The following RNF24 variants were observed in gnomAD, a reference collection of about 807,000 sequenced individuals.
The protein encoded by RNF24 is ring finger protein 24.
In RNF24, 14 loss-of-function variants were observed where a neutral mutation model predicts 20.0. The observed-to-expected ratio is 0.70, with a 90% CI of 0.46 to 1.10. RNF24 has a LOEUF of 1.10. Ranked by LOEUF, RNF24 falls within the 50% of genes least tolerant of loss-of-function variation. RNF24 has a pLI of 0.00. For missense variants in RNF24, 124 were observed against 177.6 expected, an observed-to-expected ratio of 0.70 and a Z score of 1.71; for synonymous variants, 45 against 61.1, an observed-to-expected ratio of 0.74 and a Z score of 1.23.
chr20:3,974,491 C>G (rs536484609), intron 1 of RNF24: 75 of 1,221,910 alleles, frequency 6.1e-5, no homozygotes, highest in Non-Finnish European at 7.8e-5. Flanking sequence ...ACATCAACAT[C>G]TACAACAACA....
At chr20:3,960,502 T>A (rs796456248) in intron 2 of RNF24, among the ~76,000 whole-genome samples, 9 of 152,164 alleles carry the variant, frequency 5.9e-5, no homozygotes, top group African/African-American at 2.2e-4. Flanking sequence ...ACCCCATCTC[T>A]ACTAAAAATA....
rs2090797111 is a variant in RNF24 at position 3,929,947 on chromosome 20, C to G, written c.*4116G>C. 6.6e-6 allele frequency: 1 copy of G among 152,206 alleles called. No individual in the cohort carries two copies. Among genetic ancestry groups the G allele is most frequent in the African/African-American group, 2.4e-5 (1 of 41,448 alleles). The allele number at this position is 152,206 out of a possible 1,614,324, so 9.4% of individuals were successfully genotyped here. ...GGGTTCACATTTTGTATTCTGATTT[C>G]TGGGATGGCTCTTCCCACATTAGTA... On this transcript the variant is annotated 3_prime_UTR_variant, in exon 6 of 6. Coordinates refer to ENST00000358395, the MANE Select transcript of RNF24 (RefSeq NM_001134337.3).
rs185827007 is a variant in RNF24 at position 3,929,935 on chromosome 20, G to C, written c.*4128C>G. 1.3e-5 allele frequency: 2 copies of C among 152,336 alleles called. No individual in the cohort carries two copies. Among genetic ancestry groups the C allele is most frequent in the East Asian group, 3.9e-4 (2 of 5,194 alleles). 9.4% of individuals were successfully genotyped at this position (152,336 alleles called of 1,614,324 possible). On this transcript the variant is annotated 3_prime_UTR_variant, in exon 6 of 6. Transcript: ENST00000358395. ...TCCCCCAATTCTGGGTTCACATTTTGTATTCTGATTTCTGGGATGGCTCTT... is the reference window on the plus strand; with the variant it reads ...TCCCCCAATTCTGGGTTCACATTTTCTATTCTGATTTCTGGGATGGCTCTT...
chr20:3,948,666 G>A (rs955592657), intron 2 of RNF24, among the ~76,000 whole-genome samples: 1 of 152,054 alleles, frequency 6.6e-6, no homozygotes, highest in Non-Finnish European at 1.5e-5. Flanking sequence ...CTCATATCAA[G>A]ACATGGTACA....
chr20:3,932,852 T>C lies in RNF24; in HGVS notation c.*1211A>G, dbSNP rs935520201. On this transcript the variant is annotated 3_prime_UTR_variant, in exon 6 of 6. Transcript: ENST00000358395. ...GACTTTGAGTCATTTCTAGAAAAGTTGGACAGAAAGAGCCAAAGAGCAGCA... is the reference window on the plus strand; with the variant it reads ...GACTTTGAGTCATTTCTAGAAAAGTCGGACAGAAAGAGCCAAAGAGCAGCA... 2 of 398,362 alleles carry C rather than the reference T, an allele frequency of 5.0e-6. No homozygotes were observed. The highest frequency in any genetic ancestry group is 8.8e-6 in the Non-Finnish European group (2 of 226,042). 24.7% of individuals were successfully genotyped at this position (398,362 alleles called of 1,614,324 possible).
intron 1 of RNF24, among the ~76,000 whole-genome samples, chr20:3,981,875 T>G (rs1381202466): frequency 6.6e-6 from 1 of 152,072 alleles, no homozygotes; most frequent in African/African-American, 2.4e-5. Context: ...TCCCAGCACT[T>G]GGGGAGGCAG....
At chr20:3,960,386 T>C (rs867882792) in intron 2 of RNF24, among the ~76,000 whole-genome samples, 27 of 152,296 alleles carry the variant, frequency 1.8e-4, no homozygotes, top group Middle Eastern at 3.4e-3. Context: ...ATTTTAAAAA[T>C]TGGCCAGGCG....
At chr20:3,935,119 C>T in intron 4 of RNF24, 46 bp from the exon 5 acceptor site, 1 of 1,541,244 alleles carries the variant, frequency 6.5e-7, no homozygotes, top group East Asian at 2.2e-5. Context: ...GTTAAGTACC[C>T]TCCCAGGTAC....
intron 2 of RNF24, among the ~76,000 whole-genome samples, chr20:3,961,605 T>G (rs2091202924): frequency 6.6e-6 from 1 of 152,146 alleles, no homozygotes; most frequent in Non-Finnish European, 1.5e-5. Context: ...TACTTAATTC[T>G]TTGACATAGT....
rs759461912 is a variant in RNF24 at position 3,945,187 on chromosome 20, T to C, written c.218A>G (p.Asn73Ser). Reference protein sequence around the residue: ...VILKEKVKELNLHELCAVCLE... With the variant: ...VILKEKVKELSLHELCAVCLE... ...TTATCATCAACTTACCTCATGTAAA[T>C]TCAATTCTTTTACTTTCTCTTTTAA... Residue 73 changes from asparagine to serine, a missense_variant, in exon 4 of 6, where the codon AAT becomes AGT. Physicochemically the swap from Asn to Ser is conservative, Grantham distance 46. Coordinates refer to ENST00000358395, the MANE Select transcript of RNF24 (RefSeq NM_001134337.3). 6.3e-7 allele frequency: 1 copy of C among 1,599,778 alleles called. No homozygotes were observed. Among genetic ancestry groups the C allele is most frequent in the Non-Finnish European group, 8.5e-7 (1 of 1,172,858 alleles).
intron 4 of RNF24, among the ~76,000 whole-genome samples, chr20:3,941,062 C>T (rs2090949248): frequency 6.6e-6 from 1 of 152,190 alleles, no homozygotes; most frequent in African/African-American, 2.4e-5. Context: ...CTCACTCTGT[C>T]ACCTACGCTT....
In RNF24 at chr20:3,932,130, A is replaced by C. The variant is rs2090831758; in HGVS notation, c.*1933T>G. On this transcript the variant is annotated 3_prime_UTR_variant, in exon 6 of 6. Transcript: ENST00000358395. ...GTGACATCTGTCCCAAGGCCATTCC[A>C]TGGAAAATGGTGGCTGCTGGCAATT... 1 of 152,208 alleles carries C rather than the reference A, an allele frequency of 6.6e-6. No homozygotes were observed. 9.4% of individuals were successfully genotyped at this position (152,208 alleles called of 1,614,324 possible).
chr20:3,942,880 G>A (rs186740713), intron 4 of RNF24, among the ~76,000 whole-genome samples: 2 of 151,074 alleles, frequency 1.3e-5, no homozygotes, highest in Non-Finnish European at 2.9e-5. Context: ...GCAATGGCAC[G>A]ATCTCAGCTC....
At chr20:4,008,549 T>TAC (rs1982169023) in intron 1 of RNF24, among the ~76,000 whole-genome samples, 1 of 122,592 alleles carries the variant, frequency 8.2e-6, no homozygotes, top group African/African-American at 3.1e-5. Flanking sequence ...ATATTATATA[T>TAC]ATATATATTT....
intron 1 of RNF24, among the ~76,000 whole-genome samples, chr20:4,010,361 A>T (rs1982364924): frequency 1.3e-5 from 2 of 152,204 alleles, no homozygotes; most frequent in Non-Finnish European, 2.9e-5. Context: ...TGACAGAGTG[A>T]GACTCCATCT....
rs1313372485 is a variant in RNF24 at position 3,932,382 on chromosome 20, C to A, written c.*1681G>T. ...TTCCTCGTCCTGTTTAGGAAGCAGT[C>A]CAGTTGGCATACCACGAATAGGTCA... On this transcript the variant is annotated 3_prime_UTR_variant, in exon 6 of 6. Transcript: ENST00000358395. 1.3e-5 allele frequency: 2 copies of A among 152,396 alleles called. No individual in the cohort carries two copies. The highest frequency in any genetic ancestry group is 2.1e-4 in the South Asian group (1 of 4,834). 9.4% of individuals were successfully genotyped at this position (152,396 alleles called of 1,614,324 possible). A position where few individuals can be genotyped will look rare whatever the true frequency, so the allele number is the denominator to read the frequency against.
In RNF24 at chr20:3,972,589, T is replaced by C. The variant is rs1568640057; in HGVS notation, c.-7-8565A>G. ...AGGTCTTAAAAGAAATTTTTAAAAA[T>C]ACACTGAATTGATTGAAAATGAAAA... On this transcript the variant is annotated intron_variant, in intron 1 of 5. Transcript: ENST00000358395. 2.6e-5 allele frequency among the ~76,000 whole-genome samples: 4 copies of C among 152,254 alleles called. No individual in the cohort carries two copies. In the East Asian group the frequency reaches 7.7e-4, roughly 29 times the overall value.
chr20:3,979,142 C>A (rs899890350), intron 1 of RNF24, among the ~76,000 whole-genome samples: 2 of 149,396 alleles, frequency 1.3e-5, no homozygotes, highest in South Asian at 2.1e-4. Flanking sequence ...TATATATCTA[C>A]GTATCTATAC....
intron 1 of RNF24, among the ~76,000 whole-genome samples, chr20:3,997,779 A>ACTATAGTACTATAGATACTTATGAC (rs1210836387): frequency 2.6e-5 from 4 of 152,206 alleles, no homozygotes; most frequent in Non-Finnish European, 5.9e-5. Flanking sequence ...TACATTAGGC[A>ACTATAGTACTATAGATACTTATGAC]ACTAATTAGA....
Sources: gnomAD v4.1 joint callset for allele counts (sites outside exome capture counted in the v4.1 genomes callset) on GRCh38, gnomAD v4.1.1 for gene constraint, MANE v1.5 for transcripts, NCBI Gene and HGNC (gene_info 2026-07-23, HGNC 2026-07-21) for gene names.